Variants in CMTM8 observed in about 807,000 individuals in gnomAD.
The protein encoded by CMTM8 is CKLF-like MARVEL transmembrane domain-containing protein 8.
Under a neutral mutation model 18.6 loss-of-function variants are expected in CMTM8, and 12 were observed. The ratio of observed to expected loss-of-function variants is 0.65; its 90% confidence interval spans 0.41 to 1.05. The LOEUF (loss-of-function observed/expected upper bound fraction) is 1.05, where lower values mean the gene tolerates loss of function less well. Ranked by LOEUF, CMTM8 falls within the 50% of genes least tolerant of loss-of-function variation. The probability of loss-of-function intolerance (pLI) is 0.00; values close to 1 mark genes in which losing one functional copy is unlikely to be tolerated. For synonymous variants in CMTM8, 87 were observed against 90.6 expected (o/e 0.96, Z 0.23); for missense variants, 217 against 227.2 (o/e 0.95, Z 0.29).
intron 1 of CMTM8, among the ~76,000 whole-genome samples, chr3:32,271,180 G>A (rs1235212759): frequency 1.3e-5 from 2 of 152,194 alleles, no homozygotes; most frequent in Non-Finnish European, 2.9e-5. Context: ...AGGCTGGAGT[G>A]CAATGGCGTG....
intron 1 of CMTM8, among the ~76,000 whole-genome samples, chr3:32,328,638 A>G (rs1434170042): frequency 6.6e-6 from 1 of 152,080 alleles, no homozygotes; most frequent in Non-Finnish European, 1.5e-5. Context: ...AAAAACAAAA[A>G]TAACAACTAT....
chr3:32,352,092 C>T (rs747563313), intron 1 of CMTM8, among the ~76,000 whole-genome samples: 8 of 149,842 alleles, frequency 5.3e-5, no homozygotes, highest in Non-Finnish European at 1.0e-4. Flanking sequence ...GCATGAGAAT[C>T]GCTTGAACCC....
chr3:32,267,778 G>A (rs1702370546), intron 1 of CMTM8, among the ~76,000 whole-genome samples: 1 of 152,170 alleles, frequency 6.6e-6, no homozygotes, highest in Non-Finnish European at 1.5e-5. Flanking sequence ...CCATCAAAAA[G>A]TGGGCGAAGG....
At chr3:32,265,744 A>T (rs1168518891) in intron 1 of CMTM8, among the ~76,000 whole-genome samples, 1 of 152,252 alleles carries the variant, frequency 6.6e-6, no homozygotes, top group African/African-American at 2.4e-5. Context: ...AGAATCAAAT[A>T]GACGCAATAA....
chr3:32,307,993 C>T (rs570660046), intron 1 of CMTM8, among the ~76,000 whole-genome samples: 5 of 152,366 alleles, frequency 3.3e-5, no homozygotes, highest in African/African-American at 1.2e-4. Flanking sequence ...CAAGAGAATA[C>T]TGAGATACCC....
chr3:32,321,395 G>A (rs190669865), intron 1 of CMTM8, among the ~76,000 whole-genome samples: 37 of 152,252 alleles, frequency 2.4e-4, no homozygotes, highest in Non-Finnish European at 4.6e-4. Context: ...CCTCCGTGGA[G>A]CCTTGTGAGG....
chr3:32,296,830 A>G (rs1702887282), intron 1 of CMTM8, among the ~76,000 whole-genome samples: 1 of 152,120 alleles, frequency 6.6e-6, no homozygotes, highest in Admixed American at 6.5e-5. Context: ...TAAAACCACA[A>G]AGGGAAAAAC....
chr3:32,333,040 CTG>C (rs1559382231), intron 1 of CMTM8, among the ~76,000 whole-genome samples: 1 of 152,128 alleles, frequency 6.6e-6, no homozygotes, highest in African/African-American at 2.4e-5. Context: ...AGTTGGCAAA[CTG>C]TAAAGGGCCA....
intron 1 of CMTM8, among the ~76,000 whole-genome samples, chr3:32,342,249 A>G (rs1696513028): frequency 1.3e-5 from 2 of 152,150 alleles, no homozygotes; most frequent in Admixed American, 1.3e-4. Flanking sequence ...CTCCATCTCA[A>G]AAAAACCCAA....
chr3:32,362,731 G>C (rs1418541634), intron 2 of CMTM8, among the ~76,000 whole-genome samples: 1 of 152,056 alleles, frequency 6.6e-6, no homozygotes, highest in Non-Finnish European at 1.5e-5. Flanking sequence ...TCTTCCAAAA[G>C]ACCCTTCTTC....
chr3:32,297,727 T>A (rs1695504894), intron 1 of CMTM8, among the ~76,000 whole-genome samples: 1 of 152,060 alleles, frequency 6.6e-6, no homozygotes, highest in African/African-American at 2.4e-5. Flanking sequence ...CAGCCTCATT[T>A]GGAAAGTTAA....
chr3:32,306,358 G>A (rs919992724), intron 1 of CMTM8, among the ~76,000 whole-genome samples: 1 of 152,190 alleles, frequency 6.6e-6, no homozygotes, highest in African/African-American at 2.4e-5. Flanking sequence ...ACCAAGGCAC[G>A]AGTCCAATCC....
intron 1 of CMTM8, among the ~76,000 whole-genome samples, chr3:32,350,727 A>G (rs1696692772): frequency 6.6e-6 from 1 of 151,896 alleles, no homozygotes; most frequent in Non-Finnish European, 1.5e-5. Context: ...GTTTCACCAT[A>G]TTGGCCAGGC....
chr3:32,238,915 T>A lies in CMTM8; in HGVS notation c.-58T>A, dbSNP rs2125523826. 6.7e-7 allele frequency: 1 copy of A among 1,487,536 alleles called. No homozygotes were observed. The highest frequency in any genetic ancestry group is 2.7e-5 in the East Asian group (1 of 36,570). 92.1% of individuals were successfully genotyped at this position (1,487,536 alleles called of 1,614,324 possible). ...TGTCCCCAGGGCGCAGGGCCGCGCGTCCAGCCCCAGACCCGCCGGGGTCCC... is the reference window on the plus strand; with the variant it reads ...TGTCCCCAGGGCGCAGGGCCGCGCGACCAGCCCCAGACCCGCCGGGGTCCC... On this transcript the variant is annotated 5_prime_UTR_variant, in exon 1 of 4. Coordinates refer to ENST00000307526, the MANE Select transcript of CMTM8 (RefSeq NM_178868.5).
intron 1 of CMTM8, among the ~76,000 whole-genome samples, chr3:32,352,035 A>G (rs75069417): frequency 0.081 from 12,303 of 151,636 alleles, 603 homozygotes; most frequent in East Asian, 0.19. Flanking sequence ...AAAATTAGCC[A>G]AGCATGGTGG....
rs375217614 is a variant in CMTM8 at position 32,242,370 on chromosome 3, A to G, written c.147+3251A>G. Among the ~76,000 whole-genome samples, 10 of 152,336 alleles carry G rather than the reference A, an allele frequency of 6.6e-5. No individual in the cohort carries two copies. The East Asian group carries it at 1.7e-3, about 26-fold the overall frequency. ...TGAGACAGTGTCTTACTCTGTCATC[A>G]GGCTGGAGTGTAGTGGTATGATCAC... On this transcript the variant is annotated intron_variant, in intron 1 of 3. Coordinates refer to ENST00000307526, the MANE Select transcript of CMTM8 (RefSeq NM_178868.5).
chr3:32,334,434 G>A (rs544480806), intron 1 of CMTM8, among the ~76,000 whole-genome samples: 4 of 151,916 alleles, frequency 2.6e-5, no homozygotes, highest in South Asian at 2.1e-4. Context: ...GTGAAACCCC[G>A]TCTCTACTAA....
chr3:32,309,511 T>G (rs1695781722), intron 1 of CMTM8, among the ~76,000 whole-genome samples: 2 of 152,128 alleles, frequency 1.3e-5, no homozygotes, highest in African/African-American at 4.8e-5. Flanking sequence ...TTTTGCCGTC[T>G]TGGCCAGGCT....
chr3:32,278,057 C>T (rs1702546230), intron 1 of CMTM8, among the ~76,000 whole-genome samples: 1 of 152,216 alleles, frequency 6.6e-6, no homozygotes, highest in Admixed American at 6.5e-5. Flanking sequence ...TGTCGGTTTT[C>T]CCTGTTCTCT....
Sources: allele counts gnomAD v4.1 joint callset (sites outside exome capture counted in the v4.1 genomes callset), GRCh38; gene constraint gnomAD v4.1.1; transcripts MANE v1.5; gene names NCBI Gene and HGNC (gene_info 2026-07-23, HGNC 2026-07-21).